The following MAPRE2 variants were observed in gnomAD, a reference collection of about 807,000 sequenced individuals.
The protein encoded by MAPRE2 is microtubule-associated protein RP/EB family member 2.
In MAPRE2, 13 loss-of-function variants were observed where a neutral mutation model predicts 43.2. The observed-to-expected ratio is 0.30, with a 90% CI of 0.20 to 0.48. The LOEUF (loss-of-function observed/expected upper bound fraction) is 0.48. Among genes scored for constraint, MAPRE2 ranks in the 20% least tolerant of loss-of-function variants. The pLI is 0.99. For synonymous variants in MAPRE2, 135 were observed against 148.8 expected, an observed-to-expected ratio of 0.91 and a Z score of 0.68; for missense variants, 161 against 400.2, an observed-to-expected ratio of 0.40 and a Z score of 5.10.
intron 5 of MAPRE2, 35 bp downstream of exon 5, chr18:35,127,122 A>C: frequency 6.2e-7 from 1 of 1,613,352 alleles, no homozygotes; most frequent in Non-Finnish European, 8.5e-7. Flanking sequence ...CTCTAGGAGC[A>C]GTGACGTGTG....
In MAPRE2 at chr18:35,114,956, C is replaced by T. The variant is rs886139816; in HGVS notation, c.611-11992C>T. Among the ~76,000 whole-genome samples the T allele has an allele frequency of 1.3e-5, 2 of 152,346 alleles. 1 individual carries two copies. The highest frequency in any genetic ancestry group is 3.9e-4 in the East Asian group (2 of 5,194). On this transcript the variant is annotated intron_variant, in intron 4 of 6. Coordinates refer to ENST00000300249, the MANE Select transcript of MAPRE2 (RefSeq NM_014268.4). ...ACAAGACAGTGACTTAGGATTCATT[C>T]TTAGTTTCCACAGCAGAATATCATA...
intron 1 of MAPRE2, among the ~76,000 whole-genome samples, chr18:35,004,402 G>A (rs766353636): frequency 3.9e-5 from 6 of 152,130 alleles, no homozygotes; most frequent in Non-Finnish European, 8.8e-5. Flanking sequence ...AGAGAGTTAA[G>A]GCTCATATGT....
At chr18:35,126,120 A>G (rs1055527309) in intron 4 of MAPRE2, among the ~76,000 whole-genome samples, 2 of 152,118 alleles carry the variant, frequency 1.3e-5, no homozygotes, top group African/African-American at 4.8e-5. Flanking sequence ...AGATCTTTAT[A>G]TTCTTTTCTC....
intron 2 of MAPRE2, among the ~76,000 whole-genome samples, chr18:35,013,615 C>A (rs576825973): frequency 9.9e-5 from 15 of 152,180 alleles, no homozygotes; most frequent in African/African-American, 3.1e-4. Context: ...AGAACCTATC[C>A]CTCCTGTCTA....
chr18:35,141,507 C>T lies in MAPRE2; in HGVS notation c.*1138C>T, dbSNP rs1910635221. On this transcript the variant is annotated 3_prime_UTR_variant, in exon 7 of 7. Coordinates refer to ENST00000300249, the MANE Select transcript of MAPRE2 (RefSeq NM_014268.4). ...AATATCTTCTAGAATAAAGAATTTT[C>T]CCTCTTTAACACAAGGGCCCTCCTT... 1 of 152,182 alleles carries T rather than the reference C, an allele frequency of 6.6e-6. No homozygotes were observed. Among genetic ancestry groups the T allele is most frequent in the Non-Finnish European group, 1.5e-5 (1 of 68,020 alleles). The allele number at this position is 152,182 out of a possible 1,614,324, so 9.4% of individuals were successfully genotyped here.
intron 4 of MAPRE2, among the ~76,000 whole-genome samples, chr18:35,115,534 C>A (rs1157779488): frequency 6.6e-6 from 1 of 152,078 alleles, no homozygotes; most frequent in Non-Finnish European, 1.5e-5. Context: ...ACCTTCCCCA[C>A]CCCCGAATCC....
chr18:35,112,739 C>A (rs1603402308), intron 4 of MAPRE2, among the ~76,000 whole-genome samples: 1 of 152,170 alleles, frequency 6.6e-6, no homozygotes, highest in East Asian at 1.9e-4. Flanking sequence ...AAAGACACTG[C>A]TAGACTTTTC....
chr18:35,140,113 C>T (rs1039512561), intron 6 of MAPRE2, among the ~76,000 whole-genome samples, 182 bp from the exon 7 acceptor site: 4 of 152,194 alleles, frequency 2.6e-5, no homozygotes, highest in East Asian at 1.9e-4. Flanking sequence ...GAAGCTAAGG[C>T]GCCCCTGCAT....
At chr18:35,096,511 A>G (rs904710829) in intron 2 of MAPRE2, among the ~76,000 whole-genome samples, 2 of 152,116 alleles carry the variant, frequency 1.3e-5, no homozygotes, top group African/African-American at 4.8e-5. Flanking sequence ...ATTTTTTCAA[A>G]AGTCCCCTTT....
At chr18:34,993,602 C>T (rs945173403) in intron 1 of MAPRE2, among the ~76,000 whole-genome samples, 2 of 152,164 alleles carry the variant, frequency 1.3e-5, no homozygotes, top group Admixed American at 1.3e-4. Context: ...GAACAGAAGT[C>T]GGAATCATTT....
chr18:35,094,974 G>A (rs1908334694), intron 2 of MAPRE2, among the ~76,000 whole-genome samples: 2 of 152,198 alleles, frequency 1.3e-5, no homozygotes, highest in Non-Finnish European at 2.9e-5. Context: ...AGCTTCTGTG[G>A]TGGGAGGCAG....
chr18:34,985,136 TA>T (rs1409188368), intron 1 of MAPRE2, among the ~76,000 whole-genome samples: 2 of 79,066 alleles, frequency 2.5e-5, no homozygotes, highest in African/African-American at 1.1e-4. Context: ...TATATAAATA[TA>T]TACAAATATA....
intron 4 of MAPRE2, among the ~76,000 whole-genome samples, chr18:35,108,316 G>T (rs1261965419): frequency 6.6e-6 from 1 of 152,074 alleles, no homozygotes; most frequent in Non-Finnish European, 1.5e-5. Context: ...CCTTTTTATG[G>T]CTGCATAGTG....
chr18:35,102,454 C>T (rs1001956390), intron 4 of MAPRE2, among the ~76,000 whole-genome samples: 8 of 152,084 alleles, frequency 5.3e-5, no homozygotes, highest in African/African-American at 1.2e-4. Flanking sequence ...TTTAGTTTTT[C>T]GAGAAATTTC....
At chr18:35,033,395 A>G (rs1304779377) in intron 2 of MAPRE2, among the ~76,000 whole-genome samples, 1 of 149,934 alleles carries the variant, frequency 6.7e-6, no homozygotes, top group Non-Finnish European at 1.5e-5. Flanking sequence ...ACAAACCCAC[A>G]GCCAATATCA....
At position 35,142,138 on chromosome 18, in the gene MAPRE2, G is replaced by A. The variant is rs1189490469; in HGVS notation, c.*1769G>A. The stretch of plus-strand genomic sequence containing the variant: ...TCTAAGGCTGGACAGCCTGGCTCTC[G>A]GCAGTGACGTCCTCCCACACCTGGT... On this transcript the variant is annotated 3_prime_UTR_variant, in exon 7 of 7. Transcript: ENST00000300249. 3.9e-5 allele frequency: 6 copies of A among 152,192 alleles called. No homozygotes were observed. The highest frequency in any genetic ancestry group is 7.3e-5 in the Non-Finnish European group (5 of 68,054). 9.4% of individuals were successfully genotyped at this position (152,192 alleles called of 1,614,324 possible).
At chr18:35,130,737 T>C (rs1368607536) in intron 5 of MAPRE2, among the ~76,000 whole-genome samples, 2 of 152,052 alleles carry the variant, frequency 1.3e-5, no homozygotes, top group African/African-American at 4.8e-5. Flanking sequence ...TTTAAACAAA[T>C]GGGGATCCTC....
At chr18:35,024,776 A>G (rs1257737104) in intron 2 of MAPRE2, among the ~76,000 whole-genome samples, 2 of 152,226 alleles carry the variant, frequency 1.3e-5, no homozygotes, top group East Asian at 1.9e-4. Context: ...TCTCATTGCT[A>G]TAGGACATTC....
intron 2 of MAPRE2, among the ~76,000 whole-genome samples, chr18:35,083,321 G>A (rs955449906): frequency 2.0e-5 from 3 of 152,196 alleles, no homozygotes; most frequent in Non-Finnish European, 4.4e-5. Context: ...CATGATATTA[G>A]AGCTTTATGA....
Sources: allele counts gnomAD v4.1 joint callset (sites outside exome capture counted in the v4.1 genomes callset), GRCh38; gene constraint gnomAD v4.1.1; transcripts MANE v1.5; gene names NCBI Gene and HGNC (gene_info 2026-07-23, HGNC 2026-07-21).